Variants in SEC24A observed in about 807,000 individuals in gnomAD.
SEC24A encodes the protein SEC24 homolog A, COPII component, also known as protein transport protein Sec24A.
A neutral mutation model predicts 129.4 loss-of-function variants in SEC24A; 93 were observed. The observed-to-expected ratio is 0.72, with a 90% CI of 0.61 to 0.85. The LOEUF is 0.85. Among genes scored for constraint, SEC24A ranks in the 40% least tolerant of loss-of-function variants. The probability of loss-of-function intolerance (pLI) is 0.00; values close to 1 mark genes in which losing one functional copy is unlikely to be tolerated. For missense variants in SEC24A, 1,264 were observed against 1,307.4 expected (o/e 0.97, Z 0.51); for synonymous variants, 460 against 467.3 (o/e 0.98, Z 0.20).
At chr5:134,677,763 G>C (rs1433439824) in intron 7 of SEC24A, among the ~76,000 whole-genome samples, 2 of 151,688 alleles carry the variant, frequency 1.3e-5, no homozygotes, top group Non-Finnish European at 2.9e-5. Context: ...CTTGAACCCG[G>C]GAGGTGGAGG....
rs772351823 is a variant in SEC24A at position 134,671,839 on chromosome 5, T to C, written c.770T>C (p.Met257Thr). 2 of 1,608,744 alleles carry C rather than the reference T, an allele frequency of 1.2e-6. No individual in the cohort carries two copies. Among genetic ancestry groups the C allele is most frequent in the Non-Finnish European group, 1.7e-6 (2 of 1,177,856 alleles). Residue 257 changes from methionine (M) to threonine (T), a missense_variant, in exon 4 of 23, where the codon ATG becomes ACG. By Grantham distance (81) the Met-to-Thr change is moderately conservative (BLOSUM62 -1). Transcript: ENST00000398844. Reference sequence around the variant, plus strand: ...ACATCAAATACCAATAACGGATCTATGGTGGTCCACAGTAGTTACGACGAG... The same window carrying C: ...ACATCAAATACCAATAACGGATCTACGGTGGTCCACAGTAGTTACGACGAG... ...GITSNTNNGSMVVHSSYDEIE... is the reference protein window; with the variant it reads ...GITSNTNNGSTVVHSSYDEIE...
At chr5:134,710,348 C>T (rs1752286640) in intron 18 of SEC24A, among the ~76,000 whole-genome samples, 1 of 152,040 alleles carries the variant, frequency 6.6e-6, no homozygotes, top group Non-Finnish European at 1.5e-5. Context: ...TCTCTCGCCT[C>T]AGCCTCCTGA....
chr5:134,717,179 A>G (rs570357668), intron 19 of SEC24A, among the ~76,000 whole-genome samples: 5 of 151,890 alleles, frequency 3.3e-5, no homozygotes, highest in African/African-American at 7.2e-5. Context: ...GTGGTGGCCT[A>G]TTGCATTCTT....
chr5:134,682,221 C>CAACA (rs1251492805), intron 8 of SEC24A, 152 bp from the exon 9 acceptor site: 7 of 450,834 alleles, frequency 1.6e-5, no homozygotes. Context: ...CCAGCCTGGG[C>CAACA]AACAGAGTGA....
chr5:134,725,196 G>A lies in SEC24A; in HGVS notation c.*102G>A. The A allele has an allele frequency of 1.6e-6, 1 of 639,336 alleles. No homozygotes were observed. Among genetic ancestry groups the A allele is most frequent in the Non-Finnish European group, 2.7e-6 (1 of 364,042 alleles). The allele number at this position is 639,336 out of a possible 1,614,324, so 39.6% of individuals were successfully genotyped here. On this transcript the variant is annotated 3_prime_UTR_variant, in exon 23 of 23. Transcript: ENST00000398844. ...TTTTCTATTATGTTTGTGGACTAAT[G>A]TGATGATTGAGATGTTCTCACTGTG...
At chr5:134,723,118 A>T (rs1156475664) in intron 21 of SEC24A, among the ~76,000 whole-genome samples, 1 of 152,196 alleles carries the variant, frequency 6.6e-6, no homozygotes, top group African/African-American at 2.4e-5. Context: ...TGATCACACC[A>T]GTGCACTTCA....
At chr5:134,683,230 A>G (rs2150088868) in intron 9 of SEC24A, among the ~76,000 whole-genome samples, 1 of 151,822 alleles carries the variant, frequency 6.6e-6, no homozygotes, top group Admixed American at 6.6e-5. Flanking sequence ...CATGTTGGTC[A>G]GGCTGGTCTC....
At chr5:134,708,596 T>C (rs1245040893) in intron 17 of SEC24A, 117 bp from the exon 18 acceptor site, 2 of 881,776 alleles carry the variant, frequency 2.3e-6, no homozygotes, top group Admixed American at 5.4e-5. Context: ...TTTGTGTATG[T>C]AGTAAATTGG....
chr5:134,662,649 C>G (rs1028504945), intron 2 of SEC24A, among the ~76,000 whole-genome samples: 17 of 152,118 alleles, frequency 1.1e-4, no homozygotes, highest in African/African-American at 3.6e-4. Flanking sequence ...TTTTTCCAAG[C>G]CTTTGATCAG....
chr5:134,702,248 T>G (rs2150103746), intron 15 of SEC24A, among the ~76,000 whole-genome samples: 1 of 152,262 alleles, frequency 6.6e-6, no homozygotes, highest in East Asian at 1.9e-4. Flanking sequence ...CTCTTGGGCT[T>G]AAGCAATCTT....
At chr5:134,672,043 G>T (rs1750882898) in intron 4 of SEC24A, among the ~76,000 whole-genome samples, 157 bp downstream of exon 4, 1 of 151,954 alleles carries the variant, frequency 6.6e-6, no homozygotes, top group African/African-American at 2.4e-5. Flanking sequence ...TTGGACACAG[G>T]GTCTCACTCT....
chr5:134,655,114 G>C (rs1259209944), intron 1 of SEC24A, among the ~76,000 whole-genome samples: 1 of 152,102 alleles, frequency 6.6e-6, no homozygotes, highest in Admixed American at 6.6e-5. Context: ...TGAGATTACA[G>C]GTGTGAGCCA....
At chr5:134,682,024 CTGAGG>C in intron 8 of SEC24A, among the ~76,000 whole-genome samples, 1 of 151,994 alleles carries the variant, frequency 6.6e-6, no homozygotes, top group Admixed American at 6.6e-5. Flanking sequence ...GGCGGATCAC[CTGAGG>C]TTGGGAGTTC....
intron 15 of SEC24A, among the ~76,000 whole-genome samples, chr5:134,700,996 G>A (rs1195685392): frequency 6.6e-6 from 1 of 152,052 alleles, no homozygotes; most frequent in African/African-American, 2.4e-5. Context: ...GGGATTACAG[G>A]CGTGAGCCAC....
intron 17 of SEC24A, among the ~76,000 whole-genome samples, chr5:134,705,880 G>A (rs182558687): frequency 1.7e-4 from 25 of 150,626 alleles, no homozygotes; most frequent in African/African-American, 5.8e-4. Context: ...ACTGAACTTA[G>A]CTATATCTTT....
At chr5:134,652,281 C>T (rs1750083140) in intron 1 of SEC24A, among the ~76,000 whole-genome samples, 2 of 151,632 alleles carry the variant, frequency 1.3e-5, no homozygotes, top group Non-Finnish European at 1.5e-5. Flanking sequence ...ATAATTAGAT[C>T]TTCAGTTTGC....
At position 134,666,941 on chromosome 5, in the gene SEC24A, A is replaced by G. The variant is rs1326242986; in HGVS notation, c.684A>G (p.Thr228=). The stretch of plus-strand genomic sequence containing the variant: ...CAGTGAGGGCCCTCACGCCCCTGAC[A>G]TCATCATATAGAGATGTACCCCAGC... The part of the protein sequence containing the change: ...PPPVRALTPL[T]SSYRDVPQPL... The change falls in exon 3 of 23, where the codon ACA becomes ACG. Residue 228 remains threonine, a synonymous_variant. Coordinates refer to ENST00000398844, the MANE Select transcript of SEC24A (RefSeq NM_021982.3). 1.2e-6 allele frequency: 2 copies of G among 1,613,528 alleles called. No homozygotes were observed. The highest frequency in any genetic ancestry group is 2.2e-5 in the East Asian group (1 of 44,864).
chr5:134,658,870 C>T (rs1055341962), intron 1 of SEC24A, among the ~76,000 whole-genome samples: 2 of 152,042 alleles, frequency 1.3e-5, no homozygotes, highest in Admixed American at 6.6e-5. Context: ...GGTCATGAGT[C>T]AGATTGACAT....
chr5:134,693,170 A>T, intron 12 of SEC24A: 1 of 1,534,180 alleles, frequency 6.5e-7, no homozygotes, highest in African/African-American at 1.4e-5. Flanking sequence ...CCGTAGGGGT[A>T]ACATTTTAAC....
Sources: allele counts gnomAD v4.1 joint callset (sites outside exome capture counted in the v4.1 genomes callset), GRCh38; gene constraint gnomAD v4.1.1; transcripts MANE v1.5; gene names NCBI Gene and HGNC (gene_info 2026-07-23, HGNC 2026-07-21).